NPAS3: variants seen among roughly 807,000 people sequenced by gnomAD.
NPAS3 encodes the protein neuronal PAS domain protein 3, also known as neuronal PAS domain-containing protein 3.
In NPAS3, 14 loss-of-function variants were observed where a neutral mutation model predicts 73.1. That is an observed-to-expected ratio of 0.19 (90% CI 0.13 to 0.30). The LOEUF (loss-of-function observed/expected upper bound fraction) is 0.30. NPAS3 is among the 10% of genes least tolerant of loss of function. The pLI is 1.00. For synonymous variants in NPAS3, 620 were observed against 541.5 expected (o/e 1.14, Z -2.01); for missense variants, 1,096 against 1,250.0 (o/e 0.88, Z 1.86).
At chr14:33,331,245 C>T (rs965904869) in intron 3 of NPAS3, among the ~76,000 whole-genome samples, 1 of 152,132 alleles carries the variant, frequency 6.6e-6, no homozygotes, top group Non-Finnish European at 1.5e-5. Flanking sequence ...TGCAAGAAAA[C>T]TTCAACTATC....
chr14:33,040,128 C>A (rs2040303828), intron 1 of NPAS3, among the ~76,000 whole-genome samples: 1 of 151,984 alleles, frequency 6.6e-6, no homozygotes, highest in Non-Finnish European at 1.5e-5. Context: ...TTGTGACTGA[C>A]TAGAAGTGGC....
intron 6 of NPAS3, among the ~76,000 whole-genome samples, chr14:33,696,802 C>T (rs4462505): frequency 0.17 from 25,642 of 152,126 alleles, 2,552 homozygotes; most frequent in African/African-American, 0.26. Flanking sequence ...TCGTATATAA[C>T]GTATATGACT....
intron 5 of NPAS3, among the ~76,000 whole-genome samples, chr14:33,594,752 C>G (rs2057183588): frequency 6.6e-6 from 1 of 152,152 alleles, no homozygotes; most frequent in African/African-American, 2.4e-5. Flanking sequence ...ATTTTTCAGC[C>G]TAGATGTAAC....
At chr14:33,181,920 A>T (rs1385980099) in intron 2 of NPAS3, among the ~76,000 whole-genome samples, 1 of 152,194 alleles carries the variant, frequency 6.6e-6, no homozygotes, top group Non-Finnish European at 1.5e-5. Context: ...TGACAGATAC[A>T]CAGACAGTAA....
chr14:33,124,215 T>C (rs1302189983), intron 2 of NPAS3, among the ~76,000 whole-genome samples: 1 of 152,108 alleles, frequency 6.6e-6, no homozygotes, highest in African/African-American at 2.4e-5. Flanking sequence ...ACTGCTTTTT[T>C]AAACCATTAT....
intron 4 of NPAS3, among the ~76,000 whole-genome samples, chr14:33,407,626 G>A (rs1369153414): frequency 6.6e-6 from 1 of 152,090 alleles, no homozygotes; most frequent in African/African-American, 2.4e-5. Flanking sequence ...TGTAAGTACA[G>A]ATTGATAAAT....
At chr14:33,132,274 T>A (rs1281051476) in intron 2 of NPAS3, among the ~76,000 whole-genome samples, 1 of 152,070 alleles carries the variant, frequency 6.6e-6, no homozygotes, top group Non-Finnish European at 1.5e-5. Flanking sequence ...TAAAGTTGAG[T>A]GCCTCTGGTT....
intron 4 of NPAS3, among the ~76,000 whole-genome samples, chr14:33,559,155 ATTCT>A (rs903167678): frequency 5.3e-5 from 8 of 151,968 alleles, no homozygotes; most frequent in Admixed American, 1.3e-4. Context: ...TTCTTTCTTT[ATTCT>A]TTCTTTCTTT....
rs550504435 is a variant in NPAS3, at chr14:33,221,910, G to GAC, written c.385+6486_385+6487dup. Among the ~76,000 whole-genome samples, 58 of 152,104 alleles carry GAC rather than the reference G, an allele frequency of 3.8e-4. 1 individual carries two copies. In the East Asian group the frequency reaches 0.01, roughly 27 times the overall value. On this transcript the variant is annotated intron_variant, in intron 3 of 11. Coordinates refer to ENST00000356141, the Ensembl canonical transcript of NPAS3. ...CATGGCTGAAACTTCCATAACAAAA[G>GAC]ACAGGTTATCAAGAAAAAATTTATT...
intron 4 of NPAS3, among the ~76,000 whole-genome samples, chr14:33,432,987 A>G (rs1015756564): frequency 6.6e-6 from 1 of 152,194 alleles, no homozygotes; most frequent in Non-Finnish European, 1.5e-5. Context: ...ACTTGTCTAT[A>G]TTACATATGT....
At chr14:33,176,903 A>C (rs1453207386) in intron 2 of NPAS3, among the ~76,000 whole-genome samples, 1 of 151,758 alleles carries the variant, frequency 6.6e-6, no homozygotes, top group African/African-American at 2.4e-5. Context: ...TTTTCTTTTA[A>C]ATCATAGCCA....
chr14:33,350,869 C>T (rs1018010097), intron 3 of NPAS3, among the ~76,000 whole-genome samples: 3 of 152,224 alleles, frequency 2.0e-5, no homozygotes, highest in South Asian at 2.1e-4. Flanking sequence ...AAAAACCTCA[C>T]TGGGATCAGC....
At chr14:33,168,829 C>T (rs1246583557) in intron 2 of NPAS3, among the ~76,000 whole-genome samples, 3 of 152,158 alleles carry the variant, frequency 2.0e-5, no homozygotes, top group African/African-American at 7.2e-5. Context: ...CCTTTAACTC[C>T]AAGGCAGGCT....
chr14:32,991,060 T>C (rs2038315373), intron 1 of NPAS3, among the ~76,000 whole-genome samples: 1 of 151,716 alleles, frequency 6.6e-6, no homozygotes, highest in African/African-American at 2.4e-5. Flanking sequence ...TTATATACAG[T>C]CCTGGGCTCA....
At chr14:33,595,701 G>C (rs1361375126) in intron 5 of NPAS3, among the ~76,000 whole-genome samples, 2 of 151,948 alleles carry the variant, frequency 1.3e-5, no homozygotes, top group Non-Finnish European at 1.5e-5. Context: ...GATGGAGTCT[G>C]GCCCTGTCGT....
intron 2 of NPAS3, among the ~76,000 whole-genome samples, chr14:33,116,514 A>G (rs1318203796): frequency 6.6e-6 from 1 of 152,204 alleles, no homozygotes. Context: ...TAAATAACTT[A>G]TAAGACATTA....
At chr14:33,622,528 C>G (rs1045598915) in intron 5 of NPAS3, among the ~76,000 whole-genome samples, 10 of 152,034 alleles carry the variant, frequency 6.6e-5, no homozygotes, top group African/African-American at 2.4e-4. Context: ...GTAAAAGGAA[C>G]AAACACTAAA....
At chr14:33,694,071 G>GT (rs1404223146) in intron 6 of NPAS3, among the ~76,000 whole-genome samples, 1 of 151,762 alleles carries the variant, frequency 6.6e-6, no homozygotes, top group Non-Finnish European at 1.5e-5. Context: ...ATTTCTTTCA[G>GT]TTTTTTAAGA....
rs71432096 is a variant in NPAS3 at position 32,962,569 on chromosome 14, C to CTTTT, written c.50+23220_50+23223dup. ...TCTTTCTTTCTTTCTTTTTTCTTTT[C>CTTTT]TTTTTTTTTTTTTTTTTTTTGAGAC... On this transcript the variant is annotated intron_variant, in intron 1 of 11. Transcript: ENST00000356141. 4.8e-3 allele frequency among the ~76,000 whole-genome samples: 528 copies of CTTTT among 110,612 alleles called. 8 individuals are homozygous for CTTTT. Among genetic ancestry groups the CTTTT allele is most frequent in the Non-Finnish European group, 5.8e-3 (324 of 55,790 alleles). 72.6% of individuals were successfully genotyped at this position (110,612 alleles called of 152,430 possible). A position where few individuals can be genotyped will look rare whatever the true frequency, so the allele number is the denominator to read the frequency against.
Sources: allele counts gnomAD v4.1 joint callset (sites outside exome capture counted in the v4.1 genomes callset), GRCh38; gene constraint gnomAD v4.1.1; transcripts MANE v1.5; gene names NCBI Gene and HGNC (gene_info 2026-07-23, HGNC 2026-07-21).